FREM2: variants seen among roughly 807,000 people sequenced by gnomAD.
FREM2 encodes FRAS1 related extracellular matrix 2.
A neutral mutation model predicts 219.9 loss-of-function variants in FREM2; 119 were observed. That is an observed-to-expected ratio of 0.54 (90% CI 0.47 to 0.63). FREM2 has a LOEUF of 0.63. Ranked by LOEUF, FREM2 falls within the 30% of genes least tolerant of loss-of-function variation. The pLI, the probability that FREM2 is intolerant of heterozygous loss-of-function variation, is 0.00. For synonymous variants in FREM2, 1,562 were observed against 1,522.8 expected, an observed-to-expected ratio of 1.03 and a Z score of -0.60; for missense variants, 4,030 against 3,993.6, an observed-to-expected ratio of 1.01 and a Z score of -0.25.
At chr13:38,849,684 A>G (rs186517227) in intron 8 of FREM2, among the ~76,000 whole-genome samples, 2 of 152,254 alleles carry the variant, frequency 1.3e-5, no homozygotes, top group East Asian at 1.9e-4. Flanking sequence ...TGAGTAAACT[A>G]TGCTTGTAAT....
Position 38,885,840 on chromosome 13 carries a change from A to G in FREM2, c.*5053A>G, listed in dbSNP as rs1450253701. 6.6e-6 allele frequency: 1 copy of G among 152,228 alleles called. No homozygotes were observed. Among genetic ancestry groups the G allele is most frequent in the African/African-American group, 2.4e-5 (1 of 41,470 alleles). 9.4% of individuals were successfully genotyped at this position (152,228 alleles called of 1,614,324 possible). Reference sequence around the variant, plus strand: ...AAAAAATTACTTTGATGGTTTAATTAAGAATAATAAGTCAAATATCACATG... The same window carrying G: ...AAAAAATTACTTTGATGGTTTAATTGAGAATAATAAGTCAAATATCACATG... On this transcript the variant is annotated 3_prime_UTR_variant, in exon 24 of 24. Transcript: ENST00000280481.
chr13:38,737,719 G>C (rs1296690555), intron 2 of FREM2, among the ~76,000 whole-genome samples: 2 of 152,202 alleles, frequency 1.3e-5, no homozygotes, highest in African/African-American at 4.8e-5. Context: ...ACACAGTCTG[G>C]TGTGATGTAA....
In FREM2 at chr13:38,750,311, G is replaced by C. The variant is rs1872689597; in HGVS notation, c.5264-13993G>C. 3.3e-5 allele frequency among the ~76,000 whole-genome samples: 5 copies of C among 152,158 alleles called. No individual in the cohort carries two copies. In the South Asian group the frequency reaches 8.3e-4, roughly 25 times the overall value. The stretch of plus-strand genomic sequence containing the variant: ...CTTGCTGTTCTTGTGATAATGAATG[G>C]GTCTCACGAGATCCGATGGTTTTTA... On this transcript the variant is annotated intron_variant, in intron 2 of 23. Transcript: ENST00000280481.
rs561300868 is a variant in FREM2, at chr13:38,762,588, C to T, written c.5264-1716C>T. On this transcript the variant is annotated intron_variant, in intron 2 of 23. Coordinates refer to ENST00000280481, the MANE Select transcript of FREM2 (RefSeq NM_207361.6). ...CCGAGTAGCTGGGATTACAGGCATG[C>T]GCCACCATGCCTGGCTAGTTTTGCA... Among the ~76,000 whole-genome samples the T allele has an allele frequency of 9.0e-4, 137 of 152,000 alleles. 1 individual carries two copies. The highest frequency in any genetic ancestry group is 5.4e-4 in the Non-Finnish European group (37 of 67,960).
At chr13:38,849,962 T>C in intron 8 of FREM2, 76 bp from the exon 9 acceptor site, 2 of 1,161,672 alleles carry the variant, frequency 1.7e-6, no homozygotes, top group Non-Finnish European at 2.6e-6. Context: ...CATTATTCTT[T>C]CCACTAAATC....
At chr13:38,761,008 A>G (rs1873205693) in intron 2 of FREM2, among the ~76,000 whole-genome samples, 1 of 152,210 alleles carries the variant, frequency 6.6e-6, no homozygotes, top group Non-Finnish European at 1.5e-5. Context: ...CATATTTAGA[A>G]GAGAATGATA....
At chr13:38,695,447 T>C (rs1189676980) in intron 1 of FREM2, among the ~76,000 whole-genome samples, 1 of 152,226 alleles carries the variant, frequency 6.6e-6, no homozygotes, top group East Asian at 1.9e-4. Flanking sequence ...AGAAAAGTTC[T>C]TAAAATTCTG....
chr13:38,745,307 C>T (rs1487971455), intron 2 of FREM2, among the ~76,000 whole-genome samples: 1 of 152,028 alleles, frequency 6.6e-6, no homozygotes, highest in Non-Finnish European at 1.5e-5. Flanking sequence ...TGTGAAATGT[C>T]TTCCTAAAGA....
At chr13:38,749,378 TAAG>T (rs1219176856) in intron 2 of FREM2, among the ~76,000 whole-genome samples, 2 of 152,230 alleles carry the variant, frequency 1.3e-5, no homozygotes, top group African/African-American at 2.4e-5. Context: ...CATATTTATG[TAAG>T]AAGAGGAGGC....
intron 4 of FREM2, among the ~76,000 whole-genome samples, chr13:38,781,704 C>T (rs1185308022): frequency 8.5e-5 from 13 of 152,052 alleles, no homozygotes; most frequent in African/African-American, 3.1e-4. Flanking sequence ...AAATAGCACA[C>T]TGAAAATGAG....
chr13:38,724,480 A>C (rs1048615202), intron 2 of FREM2, among the ~76,000 whole-genome samples: 7 of 152,214 alleles, frequency 4.6e-5, no homozygotes, highest in African/African-American at 1.7e-4. Flanking sequence ...TATCATTTGT[A>C]AGATATTATT....
intron 2 of FREM2, among the ~76,000 whole-genome samples, chr13:38,756,942 G>A (rs1873034547): frequency 6.6e-6 from 1 of 152,098 alleles, no homozygotes; most frequent in Non-Finnish European, 1.5e-5. Context: ...CTTCTTTACA[G>A]CATGAGAGCT....
intron 6 of FREM2, among the ~76,000 whole-genome samples, chr13:38,834,998 G>A (rs1472071560): frequency 6.6e-6 from 1 of 152,138 alleles, no homozygotes; most frequent in African/African-American, 2.4e-5. Context: ...ATTGCTTTTG[G>A]TGTTTTAGTC....
In FREM2 at chr13:38,690,081, A is replaced by G. The variant is rs1191140247; in HGVS notation, c.2737A>G (p.Ser913Gly). Reference protein sequence around the residue: ...AHNGDKSLTDSCSLEVSDRHH... With the variant: ...AHNGDKSLTDGCSLEVSDRHH... ...TAATGGGGACAAGTCCCTGACTGAT[A>G]GCTGCTCCTTGGAAGTCAGTGACAG... Residue 913 changes from serine to glycine, a missense_variant, in exon 1 of 24, where the codon AGC becomes GGC. Ser to Gly is a moderately conservative substitution (Grantham distance 56). Coordinates refer to ENST00000280481, the MANE Select transcript of FREM2 (RefSeq NM_207361.6). 1 of 1,614,056 alleles carries G rather than the reference A, an allele frequency of 6.2e-7. No homozygotes were observed. The highest frequency in any genetic ancestry group is 8.5e-7 in the Non-Finnish European group (1 of 1,180,032).
chr13:38,781,077 G>A (rs922539538), intron 4 of FREM2, among the ~76,000 whole-genome samples: 2 of 152,060 alleles, frequency 1.3e-5, no homozygotes, highest in African/African-American at 4.8e-5. Flanking sequence ...TCTTCCAATA[G>A]TCCTGAAGGG....
In FREM2 at chr13:38,880,374, G is replaced by A. The variant is rs1878496184; in HGVS notation, c.9097G>A (p.Glu3033Lys). Residue 3033 changes from glutamate (E) to lysine (K), a missense_variant, in exon 24 of 24, where the codon GAG (glutamate) becomes AAG (lysine). By Grantham distance (56) the Glu-to-Lys change is moderately conservative. Transcript: ENST00000280481. ...TCGAGGTATTGGCAAAAGAAGTGTG[G>A]AGTACCATTCTCTGGTGAGTCAAGG... ...ANRGIGKRSV[E>K]YHSLVSQGKP... 6.2e-7 allele frequency: 1 copy of A among 1,614,004 alleles called. No individual in the cohort carries two copies. The highest frequency in any genetic ancestry group is 1.1e-5 in the South Asian group (1 of 91,076).
In FREM2 at chr13:38,864,209, G is replaced by A. The variant is rs999530327; in HGVS notation, c.7652-66G>A. The A allele has an allele frequency of 2.4e-6, 3 of 1,233,336 alleles. No individual in the cohort carries two copies. In the Admixed American group the frequency reaches 5.2e-5, roughly 21 times the overall value. The allele number at this position is 1,233,336 out of a possible 1,614,324, so 76.4% of individuals were successfully genotyped here. On this transcript the variant is annotated intron_variant, in intron 15 of 23. Coordinates refer to ENST00000280481, the MANE Select transcript of FREM2 (RefSeq NM_207361.6). ...ACTTGTTTTCTTAAGAGATAAAGAA[G>A]TTTTAAAGTGTTCAAAATTCTTGGC...
At chr13:38,783,235 G>A in intron 5 of FREM2, 40 bp downstream of exon 5, 2 of 1,611,220 alleles carry the variant, frequency 1.2e-6, no homozygotes, top group Non-Finnish European at 1.7e-6. Flanking sequence ...ACCCCCAAAA[G>A]ATATAAATAA....
intron 6 of FREM2, among the ~76,000 whole-genome samples, chr13:38,820,909 C>A (rs1173188107): frequency 6.6e-6 from 1 of 152,098 alleles, no homozygotes; most frequent in East Asian, 1.9e-4. Context: ...AAAACATGTA[C>A]CTCCATTACT....
Sources: gnomAD v4.1 joint callset for allele counts (sites outside exome capture counted in the v4.1 genomes callset) on GRCh38, gnomAD v4.1.1 for gene constraint, MANE v1.5 for transcripts, NCBI Gene and HGNC (gene_info 2026-07-23, HGNC 2026-07-21) for gene names.